Variants in KDM4C observed in about 807,000 individuals in gnomAD.
KDM4C encodes the protein lysine-specific demethylase 4C.
In KDM4C, 81 loss-of-function variants were observed where a neutral mutation model predicts 129.3. The observed-to-expected ratio is 0.63, with a 90% CI of 0.52 to 0.75. The LOEUF (loss-of-function observed/expected upper bound fraction) is 0.75. Ranked by LOEUF, KDM4C falls within the 30% of genes least tolerant of loss-of-function variation. The pLI is 0.00. For synonymous variants in KDM4C, 573 were observed against 456.1 expected, an observed-to-expected ratio of 1.26 and a Z score of -3.26; for missense variants, 1,457 against 1,304.0, an observed-to-expected ratio of 1.12 and a Z score of -1.81.
intron 2 of KDM4C, among the ~76,000 whole-genome samples, chr9:6,795,892 G>A (rs1358716099): frequency 1.3e-5 from 2 of 151,712 alleles, no homozygotes; most frequent in African/African-American, 2.4e-5. Context: ...GGCTGGTCTC[G>A]AACACCAGGA....
At chr9:6,888,358 G>C (rs1160745085) in intron 7 of KDM4C, among the ~76,000 whole-genome samples, 1 of 152,108 alleles carries the variant, frequency 6.6e-6, no homozygotes, top group Non-Finnish European at 1.5e-5. Context: ...TCTTTTTTAT[G>C]AGTAACATAA....
chr9:6,820,167 C>G (rs899643347), intron 4 of KDM4C, among the ~76,000 whole-genome samples: 1 of 152,128 alleles, frequency 6.6e-6, no homozygotes, highest in Non-Finnish European at 1.5e-5. Context: ...GGGCTTGACT[C>G]TTTGCAGCCT....
chr9:7,114,737 C>T (rs573765969), intron 18 of KDM4C, among the ~76,000 whole-genome samples: 1 of 152,242 alleles, frequency 6.6e-6, no homozygotes, highest in East Asian at 1.9e-4. Flanking sequence ...GTCATTTCCA[C>T]CACAGAGTGC....
chr9:6,739,305 T>C (rs1817617425), intron 1 of KDM4C, among the ~76,000 whole-genome samples: 1 of 151,666 alleles, frequency 6.6e-6, no homozygotes, highest in African/African-American at 2.4e-5. Context: ...ACTCCTGTCC[T>C]CAGGTGACCT....
intron 17 of KDM4C, among the ~76,000 whole-genome samples, chr9:7,067,586 G>T (rs889236765): frequency 6.6e-6 from 1 of 152,108 alleles, no homozygotes; most frequent in African/African-American, 2.4e-5. Flanking sequence ...CTTATTTGAG[G>T]TTAGAATTCA....
intron 4 of KDM4C, among the ~76,000 whole-genome samples, chr9:6,821,728 G>A (rs1444143481): frequency 1.3e-5 from 2 of 151,672 alleles, no homozygotes; most frequent in African/African-American, 2.4e-5. Context: ...CTTCACCCCC[G>A]GGTTCAAGCA....
At chr9:7,007,611 CTT>C (rs368346732) in intron 12 of KDM4C, among the ~76,000 whole-genome samples, 19 of 152,168 alleles carry the variant, frequency 1.2e-4, no homozygotes, top group African/African-American at 4.1e-4. Flanking sequence ...AGCAGTGACT[CTT>C]TGATACTAAC....
chr9:6,793,313 ATAAC>A (rs1827086907), intron 2 of KDM4C, among the ~76,000 whole-genome samples, 181 bp downstream of exon 2: 1 of 152,024 alleles, frequency 6.6e-6, no homozygotes, highest in Non-Finnish European at 1.5e-5. Flanking sequence ...TCCTTCAAGT[ATAAC>A]TATTCATACT....
chr9:7,040,648 G>T (rs1370995546), intron 15 of KDM4C, among the ~76,000 whole-genome samples: 3 of 151,560 alleles, frequency 2.0e-5, no homozygotes, highest in Admixed American at 6.6e-5. Context: ...TTAAAAGGTT[G>T]TTTTCTTGGG....
intron 5 of KDM4C, among the ~76,000 whole-genome samples, chr9:6,878,790 C>T (rs1257478357): frequency 1.3e-5 from 2 of 151,894 alleles, no homozygotes; most frequent in East Asian, 3.9e-4. Flanking sequence ...TTGGAAGGGA[C>T]ATACCCCCAC....
At chr9:6,806,297 C>T (rs1294452892) in intron 3 of KDM4C, among the ~76,000 whole-genome samples, 1 of 152,036 alleles carries the variant, frequency 6.6e-6, no homozygotes, top group Non-Finnish European at 1.5e-5. Context: ...GAGTTCAAGA[C>T]CAGTCTGATC....
chr9:7,022,522 A>G (rs1010980895), intron 15 of KDM4C, among the ~76,000 whole-genome samples: 4 of 151,794 alleles, frequency 2.6e-5, no homozygotes, highest in South Asian at 2.1e-4. Flanking sequence ...TACTGAATTT[A>G]TCAGTTCTAG....
At chr9:6,845,661 A>G (rs967210789) in intron 4 of KDM4C, among the ~76,000 whole-genome samples, 4 of 152,206 alleles carry the variant, frequency 2.6e-5, no homozygotes, top group African/African-American at 9.7e-5. Context: ...AAACAGATGC[A>G]GGATACGTAA....
Position 7,170,183 on chromosome 9 carries a change from A to C in KDM4C, c.2994+293A>C, listed in dbSNP as rs559071292. On this transcript the variant is annotated intron_variant, in intron 21 of 21. Coordinates refer to ENST00000381309, the MANE Select transcript of KDM4C (RefSeq NM_015061.6). The stretch of plus-strand genomic sequence containing the variant: ...ACTGAATGTGTGCTCTGTGTAAAAC[A>C]CCAGGAGCAAACAAAGATACCATCA... The C allele has an allele frequency of 4.4e-5, 55 of 1,258,374 alleles. No individual in the cohort carries two copies. The African/African-American group carries it at 7.5e-4, about 17-fold the overall frequency. The allele number at this position is 1,258,374 out of a possible 1,614,324, so 78.0% of individuals were successfully genotyped here.
intron 4 of KDM4C, among the ~76,000 whole-genome samples, chr9:6,824,984 A>C (rs913524471): frequency 1.3e-5 from 2 of 151,952 alleles, no homozygotes; most frequent in Non-Finnish European, 2.9e-5. Flanking sequence ...TCTCTACTAA[A>C]AATACAAAAA....
At chr9:6,858,282 A>T (rs7038606) in intron 5 of KDM4C, among the ~76,000 whole-genome samples, 7 of 152,168 alleles carry the variant, frequency 4.6e-5, no homozygotes, top group South Asian at 2.1e-4. Flanking sequence ...CTGCTCAGTA[A>T]GGGCGTGTAA....
chr9:7,160,265 A>T (rs1019742169), intron 19 of KDM4C, among the ~76,000 whole-genome samples: 1 of 152,024 alleles, frequency 6.6e-6, no homozygotes, highest in Non-Finnish European at 1.5e-5. Context: ...CTTCCTTGCG[A>T]TGGGTTTGAA....
At chr9:7,037,390 G>C (rs1049914420) in intron 15 of KDM4C, among the ~76,000 whole-genome samples, 3 of 152,186 alleles carry the variant, frequency 2.0e-5, no homozygotes, top group Non-Finnish European at 2.9e-5. Context: ...ATTGGAACAT[G>C]ATTTCCCTCG....
intron 4 of KDM4C, among the ~76,000 whole-genome samples, chr9:6,825,907 C>T (rs1473718055): frequency 6.6e-6 from 1 of 152,194 alleles, no homozygotes; most frequent in African/African-American, 2.4e-5. Flanking sequence ...ACCTCCCAGG[C>T]TCAGGTGATC....
Sources: gnomAD v4.1 joint callset for allele counts (sites outside exome capture counted in the v4.1 genomes callset) on GRCh38, gnomAD v4.1.1 for gene constraint, MANE v1.5 for transcripts, NCBI Gene and HGNC (gene_info 2026-07-23, HGNC 2026-07-21) for gene names.